Variants in ZFHX3 observed in about 807,000 individuals in gnomAD.
ZFHX3 encodes the protein zinc finger homeobox 3.
Under a neutral mutation model 279.1 loss-of-function variants are expected in ZFHX3, and 42 were observed. The ratio of observed to expected loss-of-function variants is 0.15; its 90% confidence interval spans 0.12 to 0.19. The LOEUF (loss-of-function observed/expected upper bound fraction) is 0.19, where lower values mean the gene tolerates loss of function less well. Ranked by LOEUF, ZFHX3 falls within the 10% of genes least tolerant of loss-of-function variation. The pLI, the probability that ZFHX3 is intolerant of heterozygous loss-of-function variation, is 1.00. For missense variants in ZFHX3, 4,981 were observed against 4,754.0 expected (o/e 1.05, Z -1.40); for synonymous variants, 2,293 against 1,957.8 (o/e 1.17, Z -4.52).
At chr16:72,867,373 C>G (rs750973997) in intron 4 of ZFHX3, among the ~76,000 whole-genome samples, 12 of 152,198 alleles carry the variant, frequency 7.9e-5, no homozygotes, top group Non-Finnish European at 1.5e-4. Context: ...GAAGTGCACT[C>G]TGTCTAATCC....
At chr16:73,592,361 A>G (rs2052008401) in intron 2 of ZFHX3, among the ~76,000 whole-genome samples, 1 of 152,118 alleles carries the variant, frequency 6.6e-6, no homozygotes, top group African/African-American at 2.4e-5. Flanking sequence ...TGGGAGAGAG[A>G]AGGGGGTGGG....
At chr16:72,920,155 C>T (rs1331363285) in intron 3 of ZFHX3, among the ~76,000 whole-genome samples, 2 of 151,874 alleles carry the variant, frequency 1.3e-5, no homozygotes, top group Non-Finnish European at 2.9e-5. Flanking sequence ...ATTATCTTAA[C>T]TAGTCCAACT....
chr16:73,635,021 G>A (rs1024954723), intron 2 of ZFHX3, among the ~76,000 whole-genome samples: 1 of 152,096 alleles, frequency 6.6e-6, no homozygotes, highest in Non-Finnish European at 1.5e-5. Flanking sequence ...CCTTTATGAT[G>A]TTACAATGTG....
In ZFHX3 at chr16:72,949,568, G is replaced by A. The variant is rs555614446; in HGVS notation, c.3216+901C>T. Among the ~76,000 whole-genome samples the A allele has an allele frequency of 1.2e-4, 19 of 152,152 alleles. No homozygotes were observed. The South Asian group carries it at 3.7e-3, about 30-fold the overall frequency. On this transcript the variant is annotated intron_variant, in intron 3 of 9. Coordinates refer to ENST00000268489, the MANE Select transcript of ZFHX3 (RefSeq NM_006885.4). ...CCGGAGCACCTCCCCCTCGGTTGCC[G>A]TCTATGGAGTAGAGGGAAGGGCTGG...
At chr16:73,665,777 C>T (rs950847655) in intron 2 of ZFHX3, among the ~76,000 whole-genome samples, 3 of 150,398 alleles carry the variant, frequency 2.0e-5, no homozygotes, top group African/African-American at 7.4e-5. Flanking sequence ...TACTGTACCA[C>T]ATGACCAGTT....
At chr16:73,532,114 G>A (rs2019815296) in intron 2 of ZFHX3, among the ~76,000 whole-genome samples, 1 of 151,860 alleles carries the variant, frequency 6.6e-6, no homozygotes, top group African/African-American at 2.4e-5. Flanking sequence ...AAAAAACAAA[G>A]ACAGAATATT....
chr16:73,050,437 A>G (rs571922224), upstream of ZFHX3, among the ~76,000 whole-genome samples: 2 of 152,346 alleles, frequency 1.3e-5, no homozygotes, highest in East Asian at 3.9e-4. Context: ...CCTTTGTTCC[A>G]GGCAAAAATT....
intron 4 of ZFHX3, among the ~76,000 whole-genome samples, chr16:72,878,983 G>C (rs2038390941): frequency 6.6e-6 from 1 of 152,190 alleles, no homozygotes; most frequent in African/African-American, 2.4e-5. Flanking sequence ...TCTGCTTTAT[G>C]CTCGTGCAGG....
intron 7 of ZFHX3, among the ~76,000 whole-genome samples, chr16:72,804,840 G>A (rs1463937894): frequency 6.6e-6 from 1 of 152,104 alleles, no homozygotes; most frequent in African/African-American, 2.4e-5. Flanking sequence ...TGCAGCCAAG[G>A]TCACCCTTTG....
chr16:73,503,520 G>A (rs2019273880), intron 2 of ZFHX3, among the ~76,000 whole-genome samples: 1 of 152,202 alleles, frequency 6.6e-6, no homozygotes. Flanking sequence ...TCCTGGAGGA[G>A]ATTGACAGCT....
chr16:72,961,532 C>CT (rs1961578444), intron 1 of ZFHX3, among the ~76,000 whole-genome samples: 2 of 152,024 alleles, frequency 1.3e-5, no homozygotes, highest in African/African-American at 4.8e-5. Context: ...GAACATGTGG[C>CT]TGCTCCTCCA....
chr16:73,556,787 A>C (rs2143780522), intron 2 of ZFHX3, among the ~76,000 whole-genome samples: 1 of 152,142 alleles, frequency 6.6e-6, no homozygotes, highest in South Asian at 2.1e-4. Context: ...GTTTAAAATA[A>C]GATTGGCTTT....
At chr16:73,140,979 C>T (rs1484955577) in intron 6 of ZFHX3, among the ~76,000 whole-genome samples, 1 of 152,320 alleles carries the variant, frequency 6.6e-6, no homozygotes, top group African/African-American at 2.4e-5. Flanking sequence ...TGACTTCTCT[C>T]TAGCCTTCTC....
chr16:73,694,830 A>G, intron 1 of ZFHX3, among the ~76,000 whole-genome samples: 1 of 152,214 alleles, frequency 6.6e-6, no homozygotes, highest in East Asian at 1.9e-4. Context: ...GAATGCTGGA[A>G]GCTCTCCAAA....
At chr16:73,298,566 G>C (rs1015659444) in intron 4 of ZFHX3, among the ~76,000 whole-genome samples, 2 of 150,456 alleles carry the variant, frequency 1.3e-5, no homozygotes, top group African/African-American at 4.9e-5. Context: ...ATTGTGTAGA[G>C]GGCAATAAGG....
At chr16:73,339,053 C>T (rs1333048699) in intron 3 of ZFHX3, among the ~76,000 whole-genome samples, 2 of 152,208 alleles carry the variant, frequency 1.3e-5, no homozygotes, top group East Asian at 3.8e-4. Flanking sequence ...CATGTACAGC[C>T]TGCAGAACTG....
chr16:73,586,109 C>G (rs576073105), intron 2 of ZFHX3, among the ~76,000 whole-genome samples: 4 of 151,996 alleles, frequency 2.6e-5, no homozygotes, highest in Non-Finnish European at 4.4e-5. Flanking sequence ...TACACAAAAG[C>G]CAGGCATGGT....
intron 1 of ZFHX3, among the ~76,000 whole-genome samples, chr16:73,006,870 C>T (rs1012316438): frequency 1.3e-5 from 2 of 152,146 alleles, no homozygotes; most frequent in Non-Finnish European, 2.9e-5. Context: ...TTACTTATAA[C>T]ACCTAATGCA....
intron 2 of ZFHX3, among the ~76,000 whole-genome samples, chr16:73,606,500 A>T (rs1248007222): frequency 6.6e-6 from 1 of 151,924 alleles, no homozygotes; most frequent in Non-Finnish European, 1.5e-5. Flanking sequence ...AAAAAAAAAA[A>T]AAATCCATGC....
Sources: gnomAD v4.1 joint callset for allele counts (sites outside exome capture counted in the v4.1 genomes callset) on GRCh38, gnomAD v4.1.1 for gene constraint, MANE v1.5 for transcripts, NCBI Gene and HGNC (gene_info 2026-07-23, HGNC 2026-07-21) for gene names.